ZNF462: variants seen among roughly 807,000 people sequenced by gnomAD.
The protein encoded by ZNF462 is zinc finger PBX1-interacting protein.
A neutral mutation model predicts 201.9 loss-of-function variants in ZNF462; 10 were observed. That is an observed-to-expected ratio of 0.05 (90% CI 0.03 to 0.08). ZNF462 has a LOEUF of 0.08. Ranked by LOEUF, ZNF462 falls within the 10% of genes least tolerant of loss-of-function variation. The pLI is 1.00. For synonymous variants in ZNF462, 1,227 were observed against 1,193.3 expected (o/e 1.03, Z -0.58); for missense variants, 2,523 against 3,168.3 (o/e 0.80, Z 4.89).
chr9:107,004,168 T>C (rs1254163568), intron 11 of ZNF462, among the ~76,000 whole-genome samples: 2 of 152,214 alleles, frequency 1.3e-5, no homozygotes, highest in Non-Finnish European at 2.9e-5. Context: ...CCCCAGACTA[T>C]ACATACAAGA....
chr9:106,930,434 T>C lies in ZNF462; in HGVS notation c.5848-91T>C, dbSNP rs897610670. On this transcript the variant is annotated intron_variant, in intron 3 of 12. Coordinates refer to ENST00000277225, the MANE Select transcript of ZNF462 (RefSeq NM_021224.6). This position sits in a 1 kb window ranked among gnomAD's most constrained non-coding sequence, Gnocchi z 5.8. ...TGGTTTTTAACCTGCTAATCGGCTT[T>C]AAAATAAAGTATGTTAGTAAACTGC... 2.0e-6 allele frequency: 3 copies of C among 1,519,130 alleles called. No homozygotes were observed. The African/African-American group carries it at 4.2e-5, about 21-fold the overall frequency. The allele number at this position is 1,519,130 out of a possible 1,614,324, so 94.1% of individuals were successfully genotyped here.
At chr9:106,888,041 AT>A (rs11290404) in intron 1 of ZNF462, among the ~76,000 whole-genome samples, 21,466 of 136,032 alleles carry the variant, frequency 0.16, 1,304 homozygotes, top group South Asian at 0.25. Flanking sequence ...GTAAATGTGG[AT>A]TTTTTTTTTT....
At position 106,925,210 on chromosome 9, in the gene ZNF462, G is replaced by C; in HGVS notation, c.1298G>C (p.Arg433Thr). ...KLLETKGIPF[R>T]RFMNRFQCPF... ...TTGGAGACCAAGGGGATTCCATTTA[G>C]AAGATTCATGAATAGGTTCCAGTGC... The change falls in exon 3 of 13, where the codon AGA becomes ACA. Residue 433 changes from arginine (R) to threonine (T), a missense_variant. Physicochemically the swap from Arg to Thr is moderately conservative, Grantham distance 71. Coordinates refer to ENST00000277225, the MANE Select transcript of ZNF462 (RefSeq NM_021224.6). The surrounding 1 kb of genome is among the most constrained non-coding windows in gnomAD (Gnocchi z 7.9). 1 of 1,614,232 alleles carries C rather than the reference G, an allele frequency of 6.2e-7. No homozygotes were observed. Among genetic ancestry groups the C allele is most frequent in the African/African-American group, 1.3e-5 (1 of 75,054 alleles).
At chr9:106,891,689 C>T (rs947613499) in intron 1 of ZNF462, among the ~76,000 whole-genome samples, 7 of 152,070 alleles carry the variant, frequency 4.6e-5, no homozygotes, top group Non-Finnish European at 7.4e-5. Context: ...AAGTTCTTCC[C>T]CTCTCCACAC....
At chr9:106,910,111 C>T (rs1040798886) in intron 1 of ZNF462, among the ~76,000 whole-genome samples, 3 of 151,946 alleles carry the variant, frequency 2.0e-5, no homozygotes, top group Non-Finnish European at 4.4e-5. Context: ...GTGGATTTTG[C>T]CTCTTATAAC....
At chr9:106,931,701 A>G (rs1420864424) in intron 4 of ZNF462, among the ~76,000 whole-genome samples, 1 of 152,202 alleles carries the variant, frequency 6.6e-6, no homozygotes, top group African/African-American at 2.4e-5. Context: ...CTCGAAAAAC[A>G]GGTGACTTAA....
rs1455584563 is a variant in ZNF462 at position 106,875,414 on chromosome 9, A to G, written c.-31+12059A>G. Among the ~76,000 whole-genome samples, 3 of 152,310 alleles carry G rather than the reference A, an allele frequency of 2.0e-5. No homozygotes were observed. In the East Asian group the frequency reaches 5.8e-4, roughly 29 times the overall value. On this transcript the variant is annotated intron_variant, in intron 1 of 12. Transcript: ENST00000277225. ...TCAGCACATGAAACCTGTTAAGTCG[A>G]TTGAATATGATTCATTTGAATAGAT...
At position 106,933,176 on chromosome 9, in the gene ZNF462, C is replaced by T. The variant is rs544125829; in HGVS notation, c.6116+627C>T. 3.5e-4 allele frequency: 55 copies of T among 155,512 alleles called. No homozygotes were observed. Among genetic ancestry groups the T allele is most frequent in the Non-Finnish European group, 6.9e-4 (48 of 70,052 alleles). The allele number at this position is 155,512 out of a possible 1,614,324, so 9.6% of individuals were successfully genotyped here. On this transcript the variant is annotated intron_variant, in intron 5 of 12. Transcript: ENST00000277225. This position sits in a 1 kb window ranked among gnomAD's most constrained non-coding sequence, Gnocchi z 4.3. The stretch of plus-strand genomic sequence containing the variant: ...CTTTTTGTTGCCTTTCTCTTTCAGC[C>T]GTGTAAAAGAGAGATAAATATTCAA...
At position 106,928,102 on chromosome 9, in the gene ZNF462, A is replaced by G. The variant is rs1161660074; in HGVS notation, c.4190A>G (p.Asn1397Ser). The G allele has an allele frequency of 6.2e-7, 1 of 1,614,182 alleles. No individual in the cohort carries two copies. The highest frequency in any genetic ancestry group is 2.2e-5 in the East Asian group (1 of 44,866). Residue 1397 changes from asparagine (N) to serine (S), a missense_variant, in exon 3 of 13, where the codon AAT (asparagine) becomes AGT (serine). Physicochemically the swap from Asn to Ser is conservative, Grantham distance 46. Transcript: ENST00000277225. This position sits in a 1 kb window ranked among gnomAD's most constrained non-coding sequence, Gnocchi z 9.3. ...HYQAFHPWAMNGDESVLLDII... is the reference protein window; with the variant it reads ...HYQAFHPWAMSGDESVLLDII... ...CAAGCATTCCACCCCTGGGCCATGA[A>G]TGGTGATGAGTCAGTGCTACTGGAC... is the stretch of plus-strand genomic sequence containing the variant.
chr9:106,941,650 G>A (rs1312470752), intron 7 of ZNF462, among the ~76,000 whole-genome samples: 3 of 152,204 alleles, frequency 2.0e-5, no homozygotes, highest in Non-Finnish European at 4.4e-5. Flanking sequence ...TGGATCAGCA[G>A]TGATTAATTT....
At chr9:107,004,842 A>G (rs953229577) in intron 11 of ZNF462, among the ~76,000 whole-genome samples, 1 of 152,034 alleles carries the variant, frequency 6.6e-6, no homozygotes, top group Non-Finnish European at 1.5e-5. Flanking sequence ...TCTGACTGAA[A>G]TTTTGTATCC....
Position 106,926,633 on chromosome 9 carries a change from G to A in ZNF462, c.2721G>A (p.Glu907=), listed in dbSNP as rs779613632. Residue 907 remains glutamate (E), a synonymous_variant, in exon 3 of 13, where the codon GAG becomes GAA. Transcript: ENST00000277225. The surrounding 1 kb of genome is among the most constrained non-coding windows in gnomAD (Gnocchi z 7.9). ...NFEDLQQHYG[E]HHPEAMNVLN... The stretch of plus-strand genomic sequence containing the variant: ...AAGATCTCCAGCAGCATTATGGCGA[G>A]CACCACCCAGAAGCCATGAATGTAC... 2.5e-6 allele frequency: 4 copies of A among 1,613,824 alleles called. No homozygotes were observed. The highest frequency in any genetic ancestry group is 3.3e-5 in the Admixed American group (2 of 59,994).
At chr9:106,948,288 T>A (rs1831194730) in intron 7 of ZNF462, among the ~76,000 whole-genome samples, 1 of 152,136 alleles carries the variant, frequency 6.6e-6, no homozygotes, top group African/African-American at 2.4e-5. Flanking sequence ...GGACTTTGGA[T>A]TTATTAAGAA....
At chr9:106,898,609 G>A (rs1256293502) in intron 1 of ZNF462, among the ~76,000 whole-genome samples, 1 of 152,142 alleles carries the variant, frequency 6.6e-6, no homozygotes, top group Non-Finnish European at 1.5e-5. Context: ...ATAGCACCCC[G>A]AGTTTGAGAA....
chr9:106,879,338 C>CG (rs1554693626), intron 1 of ZNF462, among the ~76,000 whole-genome samples: 1 of 107,050 alleles, frequency 9.3e-6, no homozygotes, highest in Non-Finnish European at 1.9e-5. Context: ...TTCCACCCCC[C>CG]CCCCCACCCC....
intron 7 of ZNF462, among the ~76,000 whole-genome samples, chr9:106,964,530 G>A (rs1421276001): frequency 1.3e-5 from 2 of 152,094 alleles, no homozygotes; most frequent in East Asian, 3.9e-4. Context: ...CCTACACTGC[G>A]TTGTGTGTTA....
At position 106,984,187 on chromosome 9, in the gene ZNF462, A is replaced by G. The variant is rs376541426; in HGVS notation, c.6834A>G (p.Glu2278=). The G allele has an allele frequency of 5.3e-5, 85 of 1,611,566 alleles. No homozygotes were observed. The highest frequency in any genetic ancestry group is 8.4e-5 in the Admixed American group (5 of 59,524). ...NMIDHIVLHR[E]ERVVPIEVCR... ...TTTCCATTCAATTTGTTTCCACAGA[A>G]GAGCGTGTTGTCCCCATTGAAGTTT... Residue 2278 remains glutamate, a splice_region_variant and synonymous_variant, in exon 10 of 13, where the codon GAA becomes GAG. Coordinates refer to ENST00000277225, the MANE Select transcript of ZNF462 (RefSeq NM_021224.6). The surrounding 1 kb of genome is among the most constrained non-coding windows in gnomAD (Gnocchi z 6.4).
At position 106,927,007 on chromosome 9, in the gene ZNF462, G is replaced by C; in HGVS notation, c.3095G>C (p.Cys1032Ser). Reference sequence around the variant, plus strand: ...GTCAACACTGTTGTTGTTTATGATTGTGATGTTTGTTCGTTTGCAAGCCCC... The same window carrying C: ...GTCAACACTGTTGTTGTTTATGATTCTGATGTTTGTTCGTTTGCAAGCCCC... ...PLVNTVVVYD[C>S]DVCSFASPNM... Residue 1032 changes from cysteine (C) to serine (S), a missense_variant, in exon 3 of 13, where the codon TGT (cysteine) becomes TCT (serine). Around this residue, in one of 15 missense-constraint regions of ZNF462, gnomAD observed 280 missense variants for 321.3 expected, o/e 0.87. Coordinates refer to ENST00000277225, the MANE Select transcript of ZNF462 (RefSeq NM_021224.6). 1.2e-6 allele frequency: 2 copies of C among 1,614,186 alleles called. No homozygotes were observed. The highest frequency in any genetic ancestry group is 1.7e-6 in the Non-Finnish European group (2 of 1,180,032).
intron 7 of ZNF462, among the ~76,000 whole-genome samples, chr9:106,941,632 T>G (rs1830874422): frequency 6.6e-6 from 1 of 152,234 alleles, no homozygotes; most frequent in Non-Finnish European, 1.5e-5. Flanking sequence ...ATAAATGACC[T>G]ATATCAATGG....
Sources: gnomAD v4.1 joint callset for allele counts (sites outside exome capture counted in the v4.1 genomes callset) on GRCh38, gnomAD v4.1.1 for gene constraint, gnomAD v4.1.1 regional missense constraint, Gnocchi (gnomAD v3.1) non-coding constraint, MANE v1.5 for transcripts, NCBI Gene and HGNC (gene_info 2026-07-23, HGNC 2026-07-21) for gene names.